The following PTPRG variants were observed in gnomAD, a reference collection of about 807,000 sequenced individuals.
PTPRG encodes protein tyrosine phosphatase receptor type G.
PTPRG carries 102 observed loss-of-function variants against 165.3 expected under a neutral mutation model. That is an observed-to-expected ratio of 0.62 (90% confidence interval 0.53 to 0.73). The LOEUF is 0.73. PTPRG is among the 30% of genes least tolerant of loss of function. The pLI is 0.00. For synonymous variants in PTPRG, 675 were observed against 669.5 expected (o/e 1.01, Z -0.13); for missense variants, 1,866 against 1,861.4 (o/e 1.00, Z -0.05).
intron 2 of PTPRG, among the ~76,000 whole-genome samples, chr3:61,815,164 A>T (rs934153050): frequency 6.7e-6 from 1 of 150,348 alleles, no homozygotes; most frequent in African/African-American, 2.5e-5. Context: ...TGGGAGGCCG[A>T]GGTGGGTGGA....
At chr3:61,600,201 T>C (rs1171371451) in intron 1 of PTPRG, among the ~76,000 whole-genome samples, 1 of 149,692 alleles carries the variant, frequency 6.7e-6, no homozygotes, top group African/African-American at 2.5e-5. Flanking sequence ...TATGTGTGTG[T>C]GTGTGTGTGT....
At chr3:61,754,754 C>A (rs2033576419) in intron 2 of PTPRG, among the ~76,000 whole-genome samples, 1 of 152,176 alleles carries the variant, frequency 6.6e-6, no homozygotes, top group Non-Finnish European at 1.5e-5. Flanking sequence ...TAATTAAATT[C>A]CTAAAATTAC....
intron 8 of PTPRG, among the ~76,000 whole-genome samples, chr3:62,186,267 G>A (rs1705880441): frequency 6.6e-6 from 1 of 152,166 alleles, no homozygotes; most frequent in African/African-American, 2.4e-5. Flanking sequence ...GGAATGAATT[G>A]TGTGGCACTG....
intron 1 of PTPRG, among the ~76,000 whole-genome samples, chr3:61,648,411 A>G (rs576749842): frequency 2.0e-5 from 3 of 152,308 alleles, no homozygotes; most frequent in Admixed American, 2.0e-4. Flanking sequence ...ATCCAGGTGG[A>G]AGACACCTAG....
At chr3:61,722,558 CT>C (rs1410440807) in intron 1 of PTPRG, among the ~76,000 whole-genome samples, 1 of 152,158 alleles carries the variant, frequency 6.6e-6, no homozygotes, top group Non-Finnish European at 1.5e-5. Context: ...TAGAATTGGG[CT>C]TTTGGAACTC....
intron 2 of PTPRG, among the ~76,000 whole-genome samples, chr3:61,981,225 G>A (rs868594144): frequency 6.6e-6 from 1 of 152,066 alleles, no homozygotes; most frequent in Non-Finnish European, 1.5e-5. Context: ...GGGGGAAACC[G>A]CCCATATGAC....
chr3:62,261,169 G>C (rs543293034), intron 16 of PTPRG: 3 of 152,182 alleles, frequency 2.0e-5, no homozygotes, highest in Non-Finnish European at 4.4e-5. Flanking sequence ...AAATCTCTCA[G>C]CATAAGATAC....
intron 2 of PTPRG, among the ~76,000 whole-genome samples, chr3:61,926,917 G>T (rs1461472303): frequency 1.3e-5 from 2 of 151,614 alleles, no homozygotes; most frequent in Non-Finnish European, 1.5e-5. Context: ...CAGTTCGGGG[G>T]GAAGAAAAAA....
intron 12 of PTPRG, among the ~76,000 whole-genome samples, chr3:62,206,769 G>GA (rs1488737281): frequency 6.6e-6 from 1 of 151,770 alleles, no homozygotes. Flanking sequence ...CCCGTCTCTA[G>GA]AAAAAATACA....
intron 5 of PTPRG, among the ~76,000 whole-genome samples, chr3:62,103,427 T>G (rs953967452): frequency 3.9e-5 from 6 of 152,138 alleles, no homozygotes; most frequent in African/African-American, 1.2e-4. Flanking sequence ...AAGAGCAAAA[T>G]AAAAGTTATC....
In PTPRG at chr3:61,720,419, C is replaced by T. The variant is rs117189708; in HGVS notation, c.86-28459C>T. On this transcript the variant is annotated intron_variant, in intron 1 of 29. Transcript: ENST00000474889. Reference sequence around the variant, plus strand: ...GATTACAGGTGTGAGCCACCACTCCCGGCCAACGGGAATTTTTAAACTCGT... The same window carrying T: ...GATTACAGGTGTGAGCCACCACTCCTGGCCAACGGGAATTTTTAAACTCGT... Among the ~76,000 whole-genome samples the T allele has an allele frequency of 1.0e-2, 1,518 of 152,306 alleles. 64 individuals are homozygous for T. The highest frequency in any genetic ancestry group is 0.062 in the Admixed American group (949 of 15,298).
intron 4 of PTPRG, among the ~76,000 whole-genome samples, chr3:62,059,624 G>T (rs969757356): frequency 6.6e-6 from 1 of 152,186 alleles, no homozygotes. Context: ...GATTGCATGA[G>T]CCCAGGAGTT....
At chr3:61,873,523 T>G (rs2107450392) in intron 2 of PTPRG, among the ~76,000 whole-genome samples, 1 of 152,346 alleles carries the variant, frequency 6.6e-6, no homozygotes, top group African/African-American at 2.4e-5. Context: ...TTCTGGGCAT[T>G]TGCAGCATTT....
At position 61,986,703 on chromosome 3, in the gene PTPRG, G is replaced by A. The variant is rs34310949; in HGVS notation, c.191-2922G>A. Reference sequence around the variant, plus strand: ...ACACGGACTTGTGTACTAGATTGACGTGTTGGAGTTGGTGAGCCACTCAGA... The same window carrying A: ...ACACGGACTTGTGTACTAGATTGACATGTTGGAGTTGGTGAGCCACTCAGA... On this transcript the variant is annotated intron_variant, in intron 2 of 29. Coordinates refer to ENST00000474889, the MANE Select transcript of PTPRG (RefSeq NM_002841.4). Among the ~76,000 whole-genome samples the A allele has an allele frequency of 6.1e-3, 921 of 152,204 alleles. 6 individuals are homozygous for A. The highest frequency in any genetic ancestry group is 0.018 in the African/African-American group (763 of 41,532).
intron 14 of PTPRG, among the ~76,000 whole-genome samples, chr3:62,236,374 T>G (rs1378735887): frequency 6.6e-6 from 1 of 152,244 alleles, no homozygotes; most frequent in African/African-American, 2.4e-5. Context: ...CTTGAAAGCA[T>G]GTGAACGTTT....
intron 1 of PTPRG, among the ~76,000 whole-genome samples, chr3:61,661,995 A>T (rs1029977144): frequency 1.2e-4 from 18 of 152,160 alleles, no homozygotes; most frequent in Non-Finnish European, 1.8e-4. Context: ...TAGCGTGTTG[A>T]CTAGCACTGG....
intron 2 of PTPRG, among the ~76,000 whole-genome samples, chr3:61,780,041 A>G (rs903441327): frequency 6.6e-6 from 1 of 152,218 alleles, no homozygotes; most frequent in Non-Finnish European, 1.5e-5. Context: ...TTCCTGGGAA[A>G]GCCAGACTAA....
At chr3:61,951,939 G>A (rs1365992330) in intron 2 of PTPRG, among the ~76,000 whole-genome samples, 3 of 152,062 alleles carry the variant, frequency 2.0e-5, no homozygotes, top group Non-Finnish European at 4.4e-5. Context: ...CCAACATGGG[G>A]AAACCCTGTC....
intron 2 of PTPRG, among the ~76,000 whole-genome samples, chr3:61,959,567 G>T (rs2040105226): frequency 1.3e-5 from 2 of 152,184 alleles, no homozygotes; most frequent in South Asian, 4.1e-4. Context: ...TGAGTGTCTT[G>T]GTTCCTAACA....
Sources: gnomAD v4.1 joint callset for allele counts (sites outside exome capture counted in the v4.1 genomes callset) on GRCh38, gnomAD v4.1.1 for gene constraint, MANE v1.5 for transcripts, NCBI Gene and HGNC (gene_info 2026-07-23, HGNC 2026-07-21) for gene names.